The following LOXHD1 variants were observed in gnomAD, a reference collection of about 807,000 sequenced individuals.
LOXHD1 encodes the protein lipoxygenase homology domain-containing protein 1.
A neutral mutation model predicts 248.2 loss-of-function variants in LOXHD1; 205 were observed. The observed-to-expected ratio is 0.83, with a 90% CI of 0.74 to 0.93. LOXHD1 has a LOEUF of 0.93. Among genes scored for constraint, LOXHD1 ranks in the 40% least tolerant of loss-of-function variants. The probability of loss-of-function intolerance (pLI) is 0.00; values close to 1 mark genes in which losing one functional copy is unlikely to be tolerated. For synonymous variants in LOXHD1, 1,113 were observed against 1,162.8 expected, an observed-to-expected ratio of 0.96 and a Z score of 0.87; for missense variants, 2,930 against 2,971.6, an observed-to-expected ratio of 0.99 and a Z score of 0.33.
intron 37 of LOXHD1, among the ~76,000 whole-genome samples, chr18:46,497,423 C>T (rs1380648805): frequency 6.6e-6 from 1 of 152,136 alleles, no homozygotes; most frequent in African/African-American, 2.4e-5. Flanking sequence ...TAGAAAAATG[C>T]ATCAGGAAAA....
At chr18:46,505,656 T>C (rs774872482) in intron 37 of LOXHD1, among the ~76,000 whole-genome samples, 182 bp downstream of exon 37, 36 of 152,266 alleles carry the variant, frequency 2.4e-4, no homozygotes, top group Middle Eastern at 3.4e-3. Flanking sequence ...TCTAAAAATA[T>C]TTGCCCAGAA....
Position 46,560,444 on chromosome 18 carries a change from G to T in LOXHD1, c.2700C>A (p.His900Gln). The T allele has an allele frequency of 6.5e-7, 1 of 1,544,466 alleles. No homozygotes were observed. ...TGAGGTCCACCTCCCGCACCACCAG[G>T]TGCCGCAGCCACACGGTGTCCACGA... ...SWFVDTVWLR[H>Q]LVVREVDLTP... The change falls in exon 19 of 41, where the codon CAC becomes CAA. Residue 900 changes from histidine (H) to glutamine (Q), a missense_variant. Physicochemically the swap from His to Gln is conservative, Grantham distance 24. Coordinates refer to ENST00000642948, the MANE Select transcript of LOXHD1 (RefSeq NM_001384474.1).
In LOXHD1 at chr18:46,522,213, C is replaced by G. The variant is rs745381643; in HGVS notation, c.4973G>C (p.Arg1658Pro). ...GTAGTCCAACCAGATGCGCTTACTA[C>G]GTTCATCATCCTCCCCGATGAGAAA... ...FIFLIGEDDERSKRIWLDYPR... is the reference protein window; with the variant it reads ...FIFLIGEDDEPSKRIWLDYPR... Residue 1658 changes from arginine (R) to proline (P), a missense_variant, in exon 32 of 41, where the codon CGT becomes CCT. Physicochemically the swap from Arg to Pro is moderately radical, Grantham distance 103. Coordinates refer to ENST00000642948, the MANE Select transcript of LOXHD1 (RefSeq NM_001384474.1). 6.4e-7 allele frequency: 1 copy of G among 1,551,820 alleles called. No individual in the cohort carries two copies. Among genetic ancestry groups the G allele is most frequent in the Non-Finnish European group, 8.7e-7 (1 of 1,147,032 alleles).
At position 46,489,120 on chromosome 18, in the gene LOXHD1, C is replaced by T; in HGVS notation, c.5901G>A (p.Leu1967=). The change falls in exon 38 of 41, where the codon CTG becomes CTA. Residue 1967 remains leucine (L), a synonymous_variant. Coordinates refer to ENST00000642948, the MANE Select transcript of LOXHD1 (RefSeq NM_001384474.1). ...AGTTGTCCTTCACATCGACATAGCT[C>T]AGATGCCAGCCAGGAAATATCCCTG... The part of the protein sequence containing the change: ...DNKGIFPGWH[L]SYVDVKDNSR... 6.4e-7 allele frequency: 1 copy of T among 1,551,686 alleles called. No homozygotes were observed. The highest frequency in any genetic ancestry group is 8.7e-7 in the Non-Finnish European group (1 of 1,146,998).
At chr18:46,542,543 G>A (rs1052558178) in intron 24 of LOXHD1, among the ~76,000 whole-genome samples, 184 bp downstream of exon 24, 2 of 152,152 alleles carry the variant, frequency 1.3e-5, no homozygotes, top group East Asian at 3.8e-4. Context: ...AGACTAATTA[G>A]GCCAGAAACT....
chr18:46,521,521 G>A (rs1347781815), intron 32 of LOXHD1, among the ~76,000 whole-genome samples: 2 of 152,206 alleles, frequency 1.3e-5, no homozygotes, highest in Non-Finnish European at 2.9e-5. Context: ...TGTCAGAGGT[G>A]AAGAAGTTGG....
intron 25 of LOXHD1, among the ~76,000 whole-genome samples, chr18:46,540,976 T>TG (rs1237744453): frequency 6.6e-6 from 1 of 152,234 alleles, no homozygotes; most frequent in South Asian, 2.1e-4. Flanking sequence ...ATGAGTTGTT[T>TG]GGGGGAAATC....
chr18:46,598,678 A>G (rs779618936), intron 8 of LOXHD1, among the ~76,000 whole-genome samples: 1 of 152,188 alleles, frequency 6.6e-6, no homozygotes, highest in Non-Finnish European at 1.5e-5. Context: ...GTTAGAAAAT[A>G]TAATTTTTAA....
intron 1 of LOXHD1, among the ~76,000 whole-genome samples, chr18:46,649,597 C>G (rs1043037356): frequency 6.6e-6 from 1 of 152,176 alleles, no homozygotes. Flanking sequence ...CACTGATACC[C>G]TCCTAGACAT....
intron 4 of LOXHD1, among the ~76,000 whole-genome samples, chr18:46,632,692 T>G (rs577791221): frequency 6.6e-6 from 1 of 152,116 alleles, no homozygotes; most frequent in South Asian, 2.1e-4. Context: ...AGCAATTTGA[T>G]AGCCAAGACT....
chr18:46,639,649 G>A lies in LOXHD1; in HGVS notation c.478C>T (p.Leu160=), dbSNP rs1304361024. 2 of 1,551,722 alleles carry A rather than the reference G, an allele frequency of 1.3e-6. No homozygotes were observed. The highest frequency in any genetic ancestry group is 1.7e-6 in the Non-Finnish European group (2 of 1,146,974). Residue 160 remains leucine, a synonymous_variant, in exon 4 of 41, where the codon CTG becomes TTG. Transcript: ENST00000642948. ...EGDRQWCRDL[L]ASFNPMDMPR... is the part of the protein sequence containing the mutation. ...ATGTCCATGGGGTTGAAGCTGGCCA[G>A]CAGGTCACGGCACCACTGGCGGTCA...
intron 39 of LOXHD1, among the ~76,000 whole-genome samples, chr18:46,484,064 C>T (rs1282617336): frequency 6.6e-6 from 1 of 152,054 alleles, no homozygotes; most frequent in Non-Finnish European, 1.5e-5. Flanking sequence ...CTGTAACAGA[C>T]ATGTCTTAGC....
chr18:46,612,181 G>A (rs1182877817), intron 5 of LOXHD1, among the ~76,000 whole-genome samples: 3 of 152,166 alleles, frequency 2.0e-5, no homozygotes, highest in African/African-American at 7.2e-5. Flanking sequence ...GCTATTGCAA[G>A]CAGCACTAAA....
chr18:46,602,445 A>G (rs2038354098), intron 7 of LOXHD1, among the ~76,000 whole-genome samples: 1 of 151,954 alleles, frequency 6.6e-6, no homozygotes, highest in African/African-American at 2.4e-5. Context: ...GCCTCAAGTG[A>G]TCCACCCCCC....
intron 4 of LOXHD1, among the ~76,000 whole-genome samples, chr18:46,623,729 C>G (rs550288814): frequency 9.8e-5 from 15 of 152,362 alleles, no homozygotes; most frequent in Admixed American, 8.5e-4. Context: ...CCCGAACTGC[C>G]TGCCTGCGCC....
rs2034125670 is a variant in LOXHD1 at position 46,500,018 on chromosome 18, AT to A, written c.5878+5819del. ...TCTTCAGCATTACAGAGTTTCCCAGATGTAAATTTCCTCCCCAAGCACATCC... is the reference window on the plus strand; with the variant it reads ...TCTTCAGCATTACAGAGTTTCCCAGAGTAAATTTCCTCCCCAAGCACATCC... On this transcript the variant is annotated intron_variant, in intron 37 of 40. Coordinates refer to ENST00000642948, the MANE Select transcript of LOXHD1 (RefSeq NM_001384474.1). Among the ~76,000 whole-genome samples the A allele has an allele frequency of 2.0e-5, 3 of 152,230 alleles. No homozygotes were observed. In the East Asian group the frequency reaches 5.8e-4, roughly 29 times the overall value.
At chr18:46,568,630 C>G (rs1403320923) in intron 16 of LOXHD1, among the ~76,000 whole-genome samples, 2 of 152,196 alleles carry the variant, frequency 1.3e-5, no homozygotes, top group Non-Finnish European at 2.9e-5. Context: ...CATCAGTTAG[C>G]AAACCCAGAT....
chr18:46,656,830 C>T (rs1292575954), intron 1 of LOXHD1, 74 bp downstream of exon 1: 11 of 1,486,378 alleles, frequency 7.4e-6, no homozygotes, highest in Non-Finnish European at 1.0e-5. Context: ...GAATGACTCC[C>T]CATAGACAGG....
Position 46,546,946 on chromosome 18 carries a change from T to G in LOXHD1, c.3463A>C (p.Arg1155=), listed in dbSNP as rs1893566. 6.4e-7 allele frequency: 1 copy of G among 1,551,426 alleles called. No homozygotes were observed. The highest frequency in any genetic ancestry group is 8.7e-7 in the Non-Finnish European group (1 of 1,146,886). Residue 1155 remains arginine, a synonymous_variant, in exon 22 of 41, where the codon AGG becomes CGG. Transcript: ENST00000642948. ...AGGGGGTTGTTGTCACCGCCTCCCC[T>G]ACCCTCCTCGCTCTGTGGCAGCACA... is the stretch of plus-strand genomic sequence containing the variant. ...SYVLPQSEEG[R]GGGDNNPLDN... is the part of the protein sequence containing the mutation.
Sources: allele counts gnomAD v4.1 joint callset (sites outside exome capture counted in the v4.1 genomes callset), GRCh38; gene constraint gnomAD v4.1.1; transcripts MANE v1.5; gene names NCBI Gene and HGNC (gene_info 2026-07-23, HGNC 2026-07-21).